Variants in MARCHF1 observed in about 807,000 individuals in gnomAD.
The protein encoded by MARCHF1 is membrane associated ring-CH-type finger 1, also known as E3 ubiquitin-protein ligase MARCHF1.
Under a neutral mutation model 54.2 loss-of-function variants are expected in MARCHF1, and 40 were observed. The ratio of observed to expected loss-of-function variants is 0.74; its 90% confidence interval spans 0.57 to 0.96. The LOEUF is 0.96. MARCHF1 is among the 40% of genes least tolerant of loss of function. The pLI, the probability that MARCHF1 is intolerant of heterozygous loss-of-function variation, is 0.00. For missense variants in MARCHF1, 586 were observed against 656.5 expected (o/e 0.89, Z 1.17); for synonymous variants, 236 against 236.3 (o/e 1.00, Z 0.01).
chr4:164,143,425 A>C (rs1168774035), intron 1 of MARCHF1, among the ~76,000 whole-genome samples: 1 of 150,252 alleles, frequency 6.7e-6, no homozygotes, highest in African/African-American at 2.5e-5. Flanking sequence ...CCAGAGAGAA[A>C]GGTCGGGTTA....
intron 2 of MARCHF1, among the ~76,000 whole-genome samples, chr4:164,011,460 C>G (rs1223600038): frequency 6.6e-6 from 1 of 152,156 alleles, no homozygotes; most frequent in Non-Finnish European, 1.5e-5. Flanking sequence ...GGCAAAAGAT[C>G]TGAACACACA....
At chr4:164,134,265 T>C (rs148040797) in intron 1 of MARCHF1, among the ~76,000 whole-genome samples, 1 of 152,198 alleles carries the variant, frequency 6.6e-6, no homozygotes, top group East Asian at 1.9e-4. Context: ...AACAATTGAT[T>C]GGTTGCCAGT....
intron 1 of MARCHF1, among the ~76,000 whole-genome samples, chr4:164,293,962 C>G (rs922175090): frequency 2.0e-5 from 3 of 152,190 alleles, no homozygotes; most frequent in Non-Finnish European, 4.4e-5. Flanking sequence ...CACCCTTAAT[C>G]TGGGTGGTCA....
chr4:164,214,081 A>T (rs1285482107), intron 1 of MARCHF1, among the ~76,000 whole-genome samples: 1 of 152,096 alleles, frequency 6.6e-6, no homozygotes, highest in Admixed American at 6.6e-5. Context: ...TACCCATAAA[A>T]ATTTTAAAAC....
At chr4:164,144,276 A>C (rs1424979211) in intron 1 of MARCHF1, among the ~76,000 whole-genome samples, 3 of 151,770 alleles carry the variant, frequency 2.0e-5, no homozygotes, top group Non-Finnish European at 2.9e-5. Context: ...ACAGAAAGTC[A>C]ACAAGGATAC....
At chr4:163,965,959 A>G (rs1219145177) in intron 3 of MARCHF1, among the ~76,000 whole-genome samples, 1 of 152,068 alleles carries the variant, frequency 6.6e-6, no homozygotes, top group Non-Finnish European at 1.5e-5. Context: ...TTTATGATAT[A>G]CCCTGAGATT....
At chr4:164,240,080 A>C (rs752863273) in intron 1 of MARCHF1, among the ~76,000 whole-genome samples, 6 of 152,154 alleles carry the variant, frequency 3.9e-5, no homozygotes, top group Non-Finnish European at 8.8e-5. Context: ...AATGAAATAG[A>C]TTGTTCATCT....
At chr4:163,636,169 G>C (rs983528493) in intron 5 of MARCHF1, among the ~76,000 whole-genome samples, 16 of 152,118 alleles carry the variant, frequency 1.1e-4, no homozygotes, top group East Asian at 3.9e-4. Context: ...GAAGCATTCC[G>C]TTTGAAAACC....
At chr4:164,024,136 A>G (rs909381828) in intron 2 of MARCHF1, among the ~76,000 whole-genome samples, 18 of 152,292 alleles carry the variant, frequency 1.2e-4, no homozygotes, top group African/African-American at 4.1e-4. Context: ...AGGGAAGGAG[A>G]GAAAATAAGC....
At chr4:163,740,338 A>AT (rs1212899044) in intron 4 of MARCHF1, among the ~76,000 whole-genome samples, 2 of 152,188 alleles carry the variant, frequency 1.3e-5, no homozygotes, top group African/African-American at 4.8e-5. Flanking sequence ...ACATAGTGAG[A>AT]TTTTACCTTA....
intron 7 of MARCHF1, among the ~76,000 whole-genome samples, chr4:163,606,860 T>C (rs1354702022): frequency 6.6e-6 from 1 of 152,072 alleles, no homozygotes; most frequent in Non-Finnish European, 1.5e-5. Flanking sequence ...CCTATGATCC[T>C]GGTGACAGTG....
chr4:163,572,056 G>C (rs1173979732), intron 8 of MARCHF1, among the ~76,000 whole-genome samples: 2 of 151,840 alleles, frequency 1.3e-5, no homozygotes, highest in Non-Finnish European at 2.9e-5. Context: ...GTTCTAACTT[G>C]ACTATTTTCA....
At chr4:164,184,881 A>G (rs2111026540) in intron 1 of MARCHF1, among the ~76,000 whole-genome samples, 1 of 152,340 alleles carries the variant, frequency 6.6e-6, no homozygotes, top group East Asian at 1.9e-4. Context: ...TTGGTACAGC[A>G]AAATAAAAAG....
intron 3 of MARCHF1, among the ~76,000 whole-genome samples, chr4:163,918,972 AT>A (rs150117858): frequency 0.012 from 1,822 of 152,066 alleles, 41 homozygotes; most frequent in African/African-American, 0.042. Context: ...AGAAATGTAA[AT>A]TTTTCTTTGC....
intron 1 of MARCHF1, among the ~76,000 whole-genome samples, chr4:164,146,623 T>C (rs1051059477): frequency 3.3e-5 from 5 of 151,794 alleles, no homozygotes; most frequent in African/African-American, 7.3e-5. Context: ...TAGCCATATG[T>C]AGAAAGCTGA....
At chr4:163,736,071 TAGA>T (rs1172332599) in intron 4 of MARCHF1, among the ~76,000 whole-genome samples, 2 of 152,176 alleles carry the variant, frequency 1.3e-5, no homozygotes, top group Admixed American at 6.5e-5. Context: ...ATTTCATGGA[TAGA>T]AGATTTATTC....
At chr4:164,367,558 T>C (rs1730910006) in intron 1 of MARCHF1, among the ~76,000 whole-genome samples, 1 of 152,012 alleles carries the variant, frequency 6.6e-6, no homozygotes, top group Admixed American at 6.6e-5. Context: ...ATCTCCATAT[T>C]CCTTTTCTTG....
chr4:163,994,758 C>CACACACAAACAA (rs1324770415), intron 2 of MARCHF1, among the ~76,000 whole-genome samples: 20 of 126,144 alleles, frequency 1.6e-4, no homozygotes, highest in African/African-American at 5.9e-4. Context: ...CACACACACA[C>CACACACAAACAA]ACACACACAC....
intron 5 of MARCHF1, among the ~76,000 whole-genome samples, chr4:163,651,968 C>T (rs1742983866): frequency 6.6e-6 from 1 of 151,738 alleles, no homozygotes; most frequent in Non-Finnish European, 1.5e-5. Flanking sequence ...GCAGCCTCTT[C>T]CCTTTCTCTC....
Sources: gnomAD v4.1 joint callset for allele counts (sites outside exome capture counted in the v4.1 genomes callset) on GRCh38, gnomAD v4.1.1 for gene constraint, MANE v1.5 for transcripts, NCBI Gene and HGNC (gene_info 2026-07-23, HGNC 2026-07-21) for gene names.